Variants in RFX3 observed in about 807,000 individuals in gnomAD.
RFX3 encodes regulatory factor X3.
In RFX3, 14 loss-of-function variants were observed where a neutral mutation model predicts 98.6. The ratio of observed to expected loss-of-function variants is 0.14; its 90% CI spans 0.09 to 0.22. The LOEUF (loss-of-function observed/expected upper bound fraction) is 0.22. Among genes scored for constraint, RFX3 ranks in the 10% least tolerant of loss-of-function variants. RFX3 has a pLI of 1.00. For synonymous variants in RFX3, 383 were observed against 328.4 expected (o/e 1.17, Z -1.80); for missense variants, 639 against 926.9 (o/e 0.69, Z 4.03).
At chr9:3,468,389 G>C (rs1848493326) in intron 1 of RFX3, among the ~76,000 whole-genome samples, 1 of 152,162 alleles carries the variant, frequency 6.6e-6, no homozygotes, top group Admixed American at 6.6e-5. Context: ...AGTACACCAA[G>C]TGGCAATCAC....
intron 4 of RFX3, among the ~76,000 whole-genome samples, chr9:3,322,283 A>G (rs3012708): frequency 0.31 from 47,701 of 152,072 alleles, 11,260 homozygotes; most frequent in African/African-American, 0.67. Flanking sequence ...TTCCTTTTGT[A>G]TCCCTGGCGA....
intron 2 of RFX3, among the ~76,000 whole-genome samples, chr9:3,360,248 A>C (rs1397318798): frequency 6.6e-6 from 1 of 152,108 alleles, no homozygotes; most frequent in East Asian, 1.9e-4. Context: ...AGAATAAACA[A>C]ATATTTTTCA....
At chr9:3,504,120 CCTCT>C (rs1045135201) in intron 1 of RFX3, among the ~76,000 whole-genome samples, 7 of 128,872 alleles carry the variant, frequency 5.4e-5, no homozygotes, top group Admixed American at 7.9e-5. Flanking sequence ...TCTCTCTCTC[CCTCT>C]CTCTTTATAT....
rs2131949594 is a variant in RFX3, at chr9:3,396,429, C to G, written c.-8-833G>C. 2.0e-5 allele frequency among the ~76,000 whole-genome samples: 3 copies of G among 152,190 alleles called. No individual in the cohort carries two copies. In the South Asian group the frequency reaches 6.2e-4, roughly 32 times the overall value. On this transcript the variant is annotated intron_variant, in intron 1 of 16. Coordinates refer to ENST00000617270, the MANE Select transcript of RFX3 (RefSeq NM_001282116.2). ...TGTATATGTGCCACATTTTCTTAAT[C>G]CAGTCTATCATTGTTGGACATTTGG...
chr9:3,315,415 A>G (rs1404183888), intron 4 of RFX3, among the ~76,000 whole-genome samples: 2 of 152,228 alleles, frequency 1.3e-5, no homozygotes, highest in Non-Finnish European at 2.9e-5. Context: ...CCCACAAGAG[A>G]AAGCAGGAAA....
chr9:3,504,320 T>C (rs1197338227), intron 1 of RFX3, among the ~76,000 whole-genome samples: 3 of 117,342 alleles, frequency 2.6e-5, no homozygotes, highest in East Asian at 7.2e-4. Flanking sequence ...GCATATATTA[T>C]ATATAAAATA....
chr9:3,238,470 G>A (rs1410489064), intron 15 of RFX3, among the ~76,000 whole-genome samples: 7 of 152,206 alleles, frequency 4.6e-5, no homozygotes, highest in Admixed American at 6.5e-5. Context: ...AATAGCTGAT[G>A]AACTTAGATG....
At chr9:3,505,222 T>TTATATAGGAATATATATTTATA (rs1816836146) in intron 1 of RFX3, among the ~76,000 whole-genome samples, 3 of 55,576 alleles carry the variant, frequency 5.4e-5, no homozygotes, top group Non-Finnish European at 8.0e-5. Context: ...GAATATATAT[T>TTATATAGGAATATATATTTATA]TATATATGAA....
intron 6 of RFX3, among the ~76,000 whole-genome samples, chr9:3,288,833 C>T (rs1179851803): frequency 6.6e-6 from 1 of 152,028 alleles, no homozygotes; most frequent in Admixed American, 6.6e-5. Flanking sequence ...GAAAGTAAGC[C>T]TTTAATCTGT....
At chr9:3,283,253 G>A (rs193084530) in intron 7 of RFX3, among the ~76,000 whole-genome samples, 1 of 151,704 alleles carries the variant, frequency 6.6e-6, no homozygotes, top group South Asian at 2.1e-4. Flanking sequence ...CCATAAGAAA[G>A]ATATTTTTCT....
intron 5 of RFX3, among the ~76,000 whole-genome samples, chr9:3,293,876 G>A (rs1420682125): frequency 6.6e-6 from 1 of 152,058 alleles, no homozygotes; most frequent in African/African-American, 2.4e-5. Context: ...TTGGCAAAGA[G>A]TTTACATGTA....
intron 1 of RFX3, among the ~76,000 whole-genome samples, chr9:3,502,700 A>AT (rs1048052245): frequency 1.8e-4 from 27 of 151,794 alleles, no homozygotes; most frequent in African/African-American, 5.1e-4. Flanking sequence ...TATTTTCACG[A>AT]TTTTTTTTTC....
chr9:3,378,630 C>T (rs1166636040), intron 2 of RFX3, among the ~76,000 whole-genome samples: 1 of 144,614 alleles, frequency 6.9e-6, no homozygotes. Flanking sequence ...AATCTTGGCT[C>T]ACTGCAACCT....
At chr9:3,236,434 A>T (rs968742665) in intron 15 of RFX3, among the ~76,000 whole-genome samples, 1 of 152,208 alleles carries the variant, frequency 6.6e-6, no homozygotes, top group Non-Finnish European at 1.5e-5. Context: ...TATCCAAAAG[A>T]ATATGTTAAA....
intron 1 of RFX3, among the ~76,000 whole-genome samples, chr9:3,457,964 A>T (rs1284358617): frequency 2.0e-5 from 3 of 152,162 alleles, no homozygotes; most frequent in Non-Finnish European, 4.4e-5. Context: ...GTACAGAGCA[A>T]CTAGCTCAAG....
chr9:3,389,392 T>C (rs72699079), intron 2 of RFX3, among the ~76,000 whole-genome samples: 1 of 152,274 alleles, frequency 6.6e-6, no homozygotes, highest in Non-Finnish European at 1.5e-5. Context: ...AAAAAGTCTT[T>C]ATAAAGATGA....
intron 6 of RFX3, among the ~76,000 whole-genome samples, chr9:3,291,690 TGTG>T (rs906845864): frequency 1.3e-5 from 2 of 152,178 alleles, no homozygotes; most frequent in African/African-American, 4.8e-5. Context: ...CCATGAGTCT[TGTG>T]GTGGTGAGAA....
intron 7 of RFX3, among the ~76,000 whole-genome samples, chr9:3,280,613 C>G (rs1825807298): frequency 6.6e-6 from 1 of 151,748 alleles, no homozygotes; most frequent in Admixed American, 6.6e-5. Context: ...AAACAAATAC[C>G]AGTAGCAACT....
At chr9:3,411,895 T>C (rs1023932145) in intron 1 of RFX3, among the ~76,000 whole-genome samples, 18 of 152,272 alleles carry the variant, frequency 1.2e-4, no homozygotes, top group African/African-American at 4.3e-4. Context: ...ACTCTACATA[T>C]ATAAGCTGAG....
Sources: allele counts gnomAD v4.1 joint callset (sites outside exome capture counted in the v4.1 genomes callset), GRCh38; gene constraint gnomAD v4.1.1; transcripts MANE v1.5; gene names NCBI Gene and HGNC (gene_info 2026-07-23, HGNC 2026-07-21).